PALM2AKAP2: variants seen among roughly 807,000 people sequenced by gnomAD.
The protein encoded by PALM2AKAP2 is PALM2-AKAP2 fusion protein.
In PALM2AKAP2, 37 loss-of-function variants were observed where a neutral mutation model predicts 71.5. The ratio of observed to expected loss-of-function variants is 0.52; its 90% CI spans 0.40 to 0.68. The LOEUF is 0.68. PALM2AKAP2 is among the 30% of genes least tolerant of loss of function. The pLI, the probability that PALM2AKAP2 is intolerant of heterozygous loss-of-function variation, is 0.00. For synonymous variants in PALM2AKAP2, 468 were observed against 478.8 expected (o/e 0.98, Z 0.29); for missense variants, 1,224 against 1,191.8 (o/e 1.03, Z -0.40).
At chr9:109,947,743 A>G (rs1379765662) in intron 6 of PALM2AKAP2, among the ~76,000 whole-genome samples, 1 of 152,230 alleles carries the variant, frequency 6.6e-6, no homozygotes, top group Non-Finnish European at 1.5e-5. Flanking sequence ...AAATAACCTC[A>G]TCTCCTGCCA....
rs926570927 is a variant in PALM2AKAP2, at chr9:110,061,742, T to C, written c.156+12887T>C. 4.0e-5 allele frequency among the ~76,000 whole-genome samples: 6 copies of C among 150,520 alleles called. 1 individual carries two copies. The highest frequency in any genetic ancestry group is 1.5e-4 in the African/African-American group (6 of 39,978). ...TTAGTATAGATGGGGTTTCACCATG[T>C]TGGCCAGGCTGGTCTCGAACTCTTG... On this transcript the variant is annotated intron_variant, in intron 1 of 3. Transcript: ENST00000374525.
At chr9:110,060,845 C>A (rs1329948793) in intron 1 of PALM2AKAP2, among the ~76,000 whole-genome samples, 1 of 152,124 alleles carries the variant, frequency 6.6e-6, no homozygotes, top group Non-Finnish European at 1.5e-5. Context: ...TGTGATCCAC[C>A]CGCCTCAGCC....
chr9:110,112,284 G>T (rs1835269513), intron 1 of PALM2AKAP2, among the ~76,000 whole-genome samples: 1 of 152,000 alleles, frequency 6.6e-6, no homozygotes, highest in Non-Finnish European at 1.5e-5. Flanking sequence ...ATGTCAAGAT[G>T]TGCTTCTTTA....
chr9:110,090,130 C>A (rs1041240380), intron 1 of PALM2AKAP2: 3 of 298,514 alleles, frequency 1.0e-5, no homozygotes, highest in Non-Finnish European at 2.0e-5. Flanking sequence ...CCAAAGTGTA[C>A]CTTTGAACCG....
At chr9:110,073,911 T>C (rs1325855884) in intron 1 of PALM2AKAP2, among the ~76,000 whole-genome samples, 1 of 152,208 alleles carries the variant, frequency 6.6e-6, no homozygotes, top group African/African-American at 2.4e-5. Flanking sequence ...CACAGCTTCA[T>C]GTGTCTTCCC....
At chr9:110,048,860 G>A (rs1204651956) in intron 1 of PALM2AKAP2, 4 of 1,521,698 alleles carry the variant, frequency 2.6e-6, no homozygotes, top group African/African-American at 2.8e-5. Context: ...CCAGAGGTGG[G>A]TGTCCAAGCT....
intron 1 of PALM2AKAP2, among the ~76,000 whole-genome samples, chr9:110,131,646 C>T (rs1198155662): frequency 6.6e-6 from 1 of 152,180 alleles, no homozygotes; most frequent in Non-Finnish European, 1.5e-5. Flanking sequence ...TCTATCAGGC[C>T]ATCATGCATG....
chr9:109,923,928 C>T, intron 4 of PALM2AKAP2, 79 bp downstream of exon 4: 1 of 1,368,934 alleles, frequency 7.3e-7, no homozygotes, highest in South Asian at 1.5e-5. Context: ...AACTGGGAAA[C>T]AGGCCAGTGG....
intron 1 of PALM2AKAP2, among the ~76,000 whole-genome samples, chr9:110,126,860 A>G (rs965673619): frequency 2.0e-5 from 3 of 152,198 alleles, no homozygotes; most frequent in Admixed American, 2.0e-4. Flanking sequence ...GATTGGAGCC[A>G]CTGACTTTTC....
intron 1 of PALM2AKAP2, among the ~76,000 whole-genome samples, chr9:109,663,110 A>C (rs189016172): frequency 6.6e-6 from 1 of 152,170 alleles, no homozygotes; most frequent in African/African-American, 2.4e-5. Flanking sequence ...CTAGCGGTCT[A>C]CCAATTTTGT....
intron 1 of PALM2AKAP2, among the ~76,000 whole-genome samples, chr9:109,822,484 A>G (rs10816887): frequency 0.16 from 24,162 of 152,164 alleles, 2,502 homozygotes; most frequent in East Asian, 0.34. Flanking sequence ...CCAGGTAATA[A>G]GCATAGTACC....
chr9:109,902,159 A>G (rs1830344505), intron 3 of PALM2AKAP2, among the ~76,000 whole-genome samples: 1 of 152,192 alleles, frequency 6.6e-6, no homozygotes, highest in African/African-American at 2.4e-5. Flanking sequence ...CATTAACTAC[A>G]TGGGACCTTG....
chr9:109,843,166 C>G (rs1337009777), intron 1 of PALM2AKAP2, among the ~76,000 whole-genome samples: 1 of 63,174 alleles, frequency 1.6e-5, no homozygotes, highest in African/African-American at 6.7e-5. Flanking sequence ...AAAAATCGAA[C>G]AATTAGCTGG....
chr9:109,750,377 A>G (rs1292108429), intron 1 of PALM2AKAP2, among the ~76,000 whole-genome samples: 1 of 152,202 alleles, frequency 6.6e-6, no homozygotes, highest in Non-Finnish European at 1.5e-5. Context: ...CAGATAAAAT[A>G]TATACAATTG....
At chr9:110,159,949 A>G (rs1836554729) in intron 3 of PALM2AKAP2, among the ~76,000 whole-genome samples, 1 of 152,218 alleles carries the variant, frequency 6.6e-6, no homozygotes, top group Admixed American at 6.5e-5. Context: ...TTTAGTTGCC[A>G]CAGTCTTCAC....
intron 1 of PALM2AKAP2, among the ~76,000 whole-genome samples, chr9:109,720,141 A>T (rs1275343576): frequency 6.6e-6 from 1 of 152,032 alleles, no homozygotes; most frequent in Non-Finnish European, 1.5e-5. Flanking sequence ...GGCACATGCT[A>T]CTGCGCCCAG....
intron 1 of PALM2AKAP2, among the ~76,000 whole-genome samples, chr9:110,122,752 A>G (rs995346139): frequency 1.3e-5 from 2 of 152,186 alleles, no homozygotes; most frequent in Admixed American, 6.5e-5. Context: ...CTTTTCCCCC[A>G]GGGCAAGGCA....
intron 1 of PALM2AKAP2, among the ~76,000 whole-genome samples, chr9:109,703,737 T>A (rs1485803591): frequency 6.9e-6 from 1 of 144,366 alleles, no homozygotes; most frequent in Non-Finnish European, 1.6e-5. Flanking sequence ...CATGAACATA[T>A]ATAAACTTTA....
intron 1 of PALM2AKAP2, among the ~76,000 whole-genome samples, chr9:109,839,705 A>G (rs1035487004): frequency 6.6e-6 from 1 of 152,254 alleles, no homozygotes; most frequent in African/African-American, 2.4e-5. Context: ...TGCAAAATTC[A>G]CAAGCATTCT....
Sources: allele counts gnomAD v4.1 joint callset (sites outside exome capture counted in the v4.1 genomes callset), GRCh38; gene constraint gnomAD v4.1.1; transcripts MANE v1.5; gene names NCBI Gene and HGNC (gene_info 2026-07-23, HGNC 2026-07-21).